Variants in KIF26B observed in about 807,000 individuals in gnomAD.
The protein encoded by KIF26B is kinesin-like protein KIF26B.
Under a neutral mutation model 151.2 loss-of-function variants are expected in KIF26B, and 63 were observed. The observed-to-expected ratio is 0.42, with a 90% CI of 0.34 to 0.51. The LOEUF is 0.51. KIF26B is among the 20% of genes least tolerant of loss of function. The pLI is 0.07. For synonymous variants in KIF26B, 1,357 were observed against 1,262.1 expected (o/e 1.08, Z -1.59); for missense variants, 2,813 against 2,913.6 (o/e 0.97, Z 0.79).
intron 4 of KIF26B, among the ~76,000 whole-genome samples, chr1:245,455,592 AG>A (rs971139145): frequency 7.7e-4 from 118 of 152,356 alleles, no homozygotes; most frequent in African/African-American, 2.7e-3. Context: ...CAAATGCTTA[AG>A]GTGACGATGC....
intron 9 of KIF26B, among the ~76,000 whole-genome samples, chr1:245,642,956 G>A (rs2043909215): frequency 6.6e-6 from 1 of 152,216 alleles, no homozygotes; most frequent in African/African-American, 2.4e-5. Context: ...TGCAGCAGGA[G>A]GTGCTGTACA....
At chr1:245,478,233 C>A (rs184936132) in intron 4 of KIF26B, among the ~76,000 whole-genome samples, 2 of 151,766 alleles carry the variant, frequency 1.3e-5, no homozygotes, top group Non-Finnish European at 2.9e-5. Flanking sequence ...GTGATGCATT[C>A]ATCAGTGGAT....
chr1:245,561,914 A>C (rs2042957492), intron 5 of KIF26B, among the ~76,000 whole-genome samples: 1 of 152,144 alleles, frequency 6.6e-6, no homozygotes, highest in Non-Finnish European at 1.5e-5. Flanking sequence ...GCCTCTTCTC[A>C]GTCTCCATCC....
chr1:245,399,324 C>T (rs1002302674), intron 3 of KIF26B, among the ~76,000 whole-genome samples: 3 of 152,166 alleles, frequency 2.0e-5, no homozygotes, highest in Non-Finnish European at 4.4e-5. Context: ...AGTCCAGACT[C>T]ACTCCCCTTC....
At chr1:245,472,271 C>T (rs1166126455) in intron 4 of KIF26B, among the ~76,000 whole-genome samples, 4 of 152,186 alleles carry the variant, frequency 2.6e-5, no homozygotes, top group South Asian at 4.1e-4. Context: ...GTTCTCACCA[C>T]GTATTTATTG....
intron 2 of KIF26B, among the ~76,000 whole-genome samples, chr1:245,287,521 G>A (rs1445434295): frequency 1.1e-5 from 1 of 90,834 alleles, no homozygotes; most frequent in Non-Finnish European, 2.1e-5. Flanking sequence ...TTTTTTTCCT[G>A]TGGCGGAGTT....
intron 4 of KIF26B, among the ~76,000 whole-genome samples, chr1:245,434,985 A>ATCCG (rs1469623018): frequency 1.3e-5 from 2 of 148,822 alleles, no homozygotes; most frequent in Non-Finnish European, 3.0e-5. Flanking sequence ...CCATCCATCC[A>ATCCG]TCCATCCATC....
intron 2 of KIF26B, among the ~76,000 whole-genome samples, chr1:245,345,730 C>T (rs1318643516): frequency 6.6e-6 from 1 of 152,048 alleles, no homozygotes; most frequent in East Asian, 1.9e-4. Context: ...TGTGGCGCCT[C>T]CTTCCTTGCT....
chr1:245,592,497 G>A (rs1301345136), intron 5 of KIF26B, among the ~76,000 whole-genome samples: 1 of 152,190 alleles, frequency 6.6e-6, no homozygotes, highest in African/African-American at 2.4e-5. Context: ...GCAACCAAAT[G>A]GAAGTAAGAT....
chr1:245,552,178 G>C (rs1238866828), intron 5 of KIF26B, among the ~76,000 whole-genome samples: 3 of 137,534 alleles, frequency 2.2e-5, no homozygotes, highest in African/African-American at 7.6e-5. Flanking sequence ...TGTGGAGTGG[G>C]GGTGGGGGAT....
intron 2 of KIF26B, among the ~76,000 whole-genome samples, chr1:245,260,373 G>GT (rs1670611306): frequency 6.6e-6 from 1 of 152,200 alleles, no homozygotes; most frequent in Admixed American, 6.5e-5. Flanking sequence ...GTGCTTGGAG[G>GT]TTTATCCTAG....
At chr1:245,328,060 C>T (rs902220245) in intron 2 of KIF26B, among the ~76,000 whole-genome samples, 3 of 152,034 alleles carry the variant, frequency 2.0e-5, no homozygotes, top group African/African-American at 4.8e-5. Flanking sequence ...AGTCCTGTCA[C>T]GGCCTGTCAG....
chr1:245,273,438 A>C (rs1453428226), intron 2 of KIF26B, among the ~76,000 whole-genome samples: 7 of 151,840 alleles, frequency 4.6e-5, no homozygotes, highest in African/African-American at 1.7e-4. Flanking sequence ...AAAAAAAAAA[A>C]AAACCCCAAA....
intron 4 of KIF26B, chr1:245,511,102 A>G (rs1660823769): frequency 4.2e-6 from 3 of 717,474 alleles, no homozygotes; most frequent in Non-Finnish European, 7.8e-6. Flanking sequence ...GCCATGACTT[A>G]TCAATGATGA....
chr1:245,499,794 G>A (rs920567161), intron 4 of KIF26B, among the ~76,000 whole-genome samples: 4 of 152,202 alleles, frequency 2.6e-5, no homozygotes, highest in Non-Finnish European at 4.4e-5. Flanking sequence ...GTTTTGTTTG[G>A]TTCGGTTTGT....
intron 2 of KIF26B, among the ~76,000 whole-genome samples, chr1:245,189,408 T>C (rs548718341): frequency 6.6e-6 from 1 of 152,334 alleles, no homozygotes; most frequent in South Asian, 2.1e-4. Flanking sequence ...TTGTTAACAT[T>C]TCCATAACAA....
chr1:245,277,377 T>C (rs1458925930), intron 2 of KIF26B, among the ~76,000 whole-genome samples: 1 of 152,218 alleles, frequency 6.6e-6, no homozygotes, highest in African/African-American at 2.4e-5. Flanking sequence ...TATCTACGGC[T>C]GTTATCCACA....
intron 2 of KIF26B, among the ~76,000 whole-genome samples, chr1:245,295,386 G>A (rs927554138): frequency 6.6e-6 from 1 of 152,314 alleles, no homozygotes; most frequent in Middle Eastern, 3.4e-3. Context: ...AGAAGAATAA[G>A]GTTGAACTGG....
At chr1:245,378,399 C>T (rs1041285137) in intron 3 of KIF26B, among the ~76,000 whole-genome samples, 1 of 152,090 alleles carries the variant, frequency 6.6e-6, no homozygotes, top group African/African-American at 2.4e-5. Flanking sequence ...GTTATTTTCC[C>T]CTCCCAGGCA....
Sources: gnomAD v4.1 joint callset for allele counts (sites outside exome capture counted in the v4.1 genomes callset) on GRCh38, gnomAD v4.1.1 for gene constraint, MANE v1.5 for transcripts, NCBI Gene and HGNC (gene_info 2026-07-23, HGNC 2026-07-21) for gene names.